PARD3B: variants seen among roughly 807,000 people sequenced by gnomAD.
PARD3B encodes the protein partitioning defective 3 homolog B.
In PARD3B, 103 loss-of-function variants were observed where a neutral mutation model predicts 130.2. The observed-to-expected ratio is 0.79, with a 90% CI of 0.67 to 0.93. The LOEUF is 0.93. Among genes scored for constraint, PARD3B ranks in the 40% least tolerant of loss-of-function variants. The probability of loss-of-function intolerance (pLI) is 0.00; values close to 1 mark genes in which losing one functional copy is unlikely to be tolerated. For synonymous variants in PARD3B, 583 were observed against 553.2 expected (o/e 1.05, Z -0.76); for missense variants, 1,609 against 1,499.2 (o/e 1.07, Z -1.21).
rs1392215698 is a variant in PARD3B at position 205,230,222 on chromosome 2, G to A, written c.2141-15556G>A. Among the ~76,000 whole-genome samples the A allele has an allele frequency of 6.6e-6, 1 of 151,920 alleles. No individual in the cohort carries two copies. The highest frequency in any genetic ancestry group is 1.5e-5 in the Non-Finnish European group (1 of 68,006). On this transcript the variant is annotated intron_variant, in intron 15 of 22. Coordinates refer to ENST00000406610, the MANE Select transcript of PARD3B (RefSeq NM_001302769.2). This position sits in a 1 kb window ranked among gnomAD's most constrained non-coding sequence, Gnocchi z 4.1. ...GGAGACCCTCTCCGTAGCCACCATA[G>A]TTGGGAATGTGCTGGGCCATACCAT...
chr2:204,560,540 G>C (rs533001083), intron 1 of PARD3B, among the ~76,000 whole-genome samples: 1 of 151,720 alleles, frequency 6.6e-6, no homozygotes, highest in African/African-American at 2.4e-5. Context: ...ATGGACAGTT[G>C]CCAGGGAAGT....
intron 2 of PARD3B, among the ~76,000 whole-genome samples, chr2:204,923,599 C>CA (rs1042654036): frequency 1.4e-4 from 22 of 151,838 alleles, no homozygotes; most frequent in African/African-American, 4.8e-4. Flanking sequence ...ATTAGGAAGG[C>CA]AATGTCTTAA....
chr2:205,008,237 T>C (rs1235801400), intron 3 of PARD3B, among the ~76,000 whole-genome samples: 1 of 151,976 alleles, frequency 6.6e-6, no homozygotes, highest in Non-Finnish European at 1.5e-5. Flanking sequence ...GAGCTTTAAA[T>C]AATGCATAGT....
Position 204,689,615 on chromosome 2 carries a change from T to C in PARD3B, c.222+3333T>C, listed in dbSNP as rs564130442. Among the ~76,000 whole-genome samples, 7 of 152,270 alleles carry C rather than the reference T, an allele frequency of 4.6e-5. No homozygotes were observed. In the South Asian group the frequency reaches 1.0e-3, roughly 23 times the overall value. ...TCACCCAATAGTAACAACCTAATCA[T>C]TGATGACTAGCAATGGCCCAGAATG... On this transcript the variant is annotated intron_variant, in intron 2 of 22. Transcript: ENST00000406610. This position sits in a 1 kb window ranked among gnomAD's most constrained non-coding sequence, Gnocchi z 5.2.
chr2:204,777,050 TA>T (rs1351095000), intron 2 of PARD3B, among the ~76,000 whole-genome samples: 2 of 152,184 alleles, frequency 1.3e-5, no homozygotes, highest in Admixed American at 1.3e-4. Flanking sequence ...GTGAAGATGA[TA>T]AATAAACCTA....
At chr2:205,010,992 A>G (rs1695664576) in intron 3 of PARD3B, among the ~76,000 whole-genome samples, 1 of 152,238 alleles carries the variant, frequency 6.6e-6, no homozygotes, top group South Asian at 2.1e-4. Flanking sequence ...GTATGTTTAT[A>G]TTTAAGAAGG....
chr2:204,679,003 A>C (rs2036694658), intron 1 of PARD3B, among the ~76,000 whole-genome samples: 1 of 152,164 alleles, frequency 6.6e-6, no homozygotes, highest in African/African-American at 2.4e-5. Flanking sequence ...CTACATTGTG[A>C]ATTAATTATG....
chr2:204,663,109 G>A (rs796737755), intron 1 of PARD3B, among the ~76,000 whole-genome samples: 5 of 152,044 alleles, frequency 3.3e-5, no homozygotes, highest in African/African-American at 9.7e-5. Context: ...ATCCCAGTTC[G>A]CCATGACGAA....
chr2:205,203,656 T>G (rs924726402), intron 15 of PARD3B, among the ~76,000 whole-genome samples: 1 of 152,120 alleles, frequency 6.6e-6, no homozygotes, highest in Non-Finnish European at 1.5e-5. Context: ...CCTGTGTCCA[T>G]GTGTTCTCAT....
intron 2 of PARD3B, among the ~76,000 whole-genome samples, chr2:204,786,778 A>G (rs1406388294): frequency 6.6e-6 from 1 of 151,472 alleles, no homozygotes; most frequent in Non-Finnish European, 1.5e-5. Context: ...TGACATTACC[A>G]CCAATGCAAT....
At chr2:204,767,144 C>T (rs1396955886) in intron 2 of PARD3B, among the ~76,000 whole-genome samples, 9 of 63,944 alleles carry the variant, frequency 1.4e-4, no homozygotes, top group Middle Eastern at 5.5e-3. Context: ...TGCTATCCCT[C>T]CCCCCTCCCC....
chr2:205,237,881 T>C (rs552781045), intron 15 of PARD3B, among the ~76,000 whole-genome samples: 2 of 152,332 alleles, frequency 1.3e-5, no homozygotes, highest in African/African-American at 4.8e-5. Flanking sequence ...TTTAGACCTG[T>C]CCCAGAATTG....
At chr2:205,469,989 C>T (rs2048768886) in intron 20 of PARD3B, among the ~76,000 whole-genome samples, 1 of 152,194 alleles carries the variant, frequency 6.6e-6, no homozygotes, top group African/African-American at 2.4e-5. Flanking sequence ...AATCCTGGAT[C>T]ATGCATTTTC....
chr2:204,965,311 G>A lies in PARD3B; in HGVS notation c.382G>A (p.Ala128Thr). The A allele has an allele frequency of 6.2e-7, 1 of 1,613,688 alleles. No homozygotes were observed. ...TGGGGAGATTGAAGTAACCCCTTCT[G>A]CTCTAAAACTAGGTATGTGTAATGT... ...IGGEIEVTPSALKLGTPLLVR... is the reference protein window; with the variant it reads ...IGGEIEVTPSTLKLGTPLLVR... The change falls in exon 3 of 23, where the codon GCT becomes ACT. Residue 128 changes from alanine to threonine, a missense_variant. Physicochemically the swap from Ala to Thr is moderately conservative, Grantham distance 58. Transcript: ENST00000406610.
intron 2 of PARD3B, among the ~76,000 whole-genome samples, chr2:204,927,845 T>G (rs1288325369): frequency 7.0e-6 from 1 of 142,906 alleles, no homozygotes; most frequent in Non-Finnish European, 1.6e-5. Context: ...GGTACGTAGG[T>G]AGGTAGGTAG....
intron 22 of PARD3B, among the ~76,000 whole-genome samples, chr2:205,555,694 G>A (rs13388092): frequency 0.032 from 4,945 of 152,232 alleles, 296 homozygotes; most frequent in African/African-American, 0.11. Context: ...ACTCACCCAC[G>A]TACACAATGG....
At chr2:204,728,027 CT>C (rs1374266269) in intron 2 of PARD3B, among the ~76,000 whole-genome samples, 1 of 152,086 alleles carries the variant, frequency 6.6e-6, no homozygotes, top group African/African-American at 2.4e-5. Context: ...GGGCTGGTTT[CT>C]GTTTAGCCCT....
intron 2 of PARD3B, among the ~76,000 whole-genome samples, chr2:204,777,539 C>G (rs958506638): frequency 2.0e-5 from 3 of 152,118 alleles, no homozygotes; most frequent in African/African-American, 7.2e-5. Flanking sequence ...GAGGCTGGGG[C>G]AGGAGGATCA....
chr2:205,128,373 G>T lies in PARD3B; in HGVS notation c.1434+2636G>T, dbSNP rs940627430. 2.6e-5 allele frequency among the ~76,000 whole-genome samples: 4 copies of T among 152,110 alleles called. No individual in the cohort carries two copies. The highest frequency in any genetic ancestry group is 9.7e-5 in the African/African-American group (4 of 41,416). ...CCTAGAAGCTATGCCCCTCCACCAG[G>T]TAAGGGATGCTGATTTATCCCAGTT... On this transcript the variant is annotated intron_variant, in intron 10 of 22. Transcript: ENST00000406610. This position sits in a 1 kb window ranked among gnomAD's most constrained non-coding sequence, Gnocchi z 4.5.
Sources: gnomAD v4.1 joint callset for allele counts (sites outside exome capture counted in the v4.1 genomes callset) on GRCh38, gnomAD v4.1.1 for gene constraint, Gnocchi (gnomAD v3.1) non-coding constraint, MANE v1.5 for transcripts, NCBI Gene and HGNC (gene_info 2026-07-23, HGNC 2026-07-21) for gene names.